Variants in ZER1 observed in about 807,000 individuals in gnomAD.
The protein encoded by ZER1 is zyg-11 related cell cycle regulator, also known as protein zer-1 homolog.
A neutral mutation model predicts 78.8 loss-of-function variants in ZER1; 11 were observed. The ratio of observed to expected loss-of-function variants is 0.14; its 90% CI spans 0.09 to 0.23. The LOEUF (loss-of-function observed/expected upper bound fraction) is 0.23, where lower values mean the gene tolerates loss of function less well. Among genes scored for constraint, ZER1 ranks in the 10% least tolerant of loss-of-function variants. The pLI is 1.00. For synonymous variants in ZER1, 400 were observed against 407.0 expected, an observed-to-expected ratio of 0.98 and a Z score of 0.21; for missense variants, 588 against 996.9, an observed-to-expected ratio of 0.59 and a Z score of 5.52.
intron 1 of ZER1, among the ~76,000 whole-genome samples, chr9:128,767,312 T>C (rs1285195926): frequency 6.6e-6 from 1 of 152,040 alleles, no homozygotes; most frequent in East Asian, 1.9e-4. Flanking sequence ...AGTGGTACGA[T>C]CTCAGCTCGC....
At chr9:128,744,285 G>C (rs1048549503) in intron 8 of ZER1, among the ~76,000 whole-genome samples, 1 of 151,468 alleles carries the variant, frequency 6.6e-6, no homozygotes, top group South Asian at 2.1e-4. Context: ...TCTGCCTCGC[G>C]GGTCCAAGCG....
intron 13 of ZER1, among the ~76,000 whole-genome samples, chr9:128,737,429 C>T (rs941114716): frequency 6.6e-6 from 1 of 152,164 alleles, no homozygotes; most frequent in Admixed American, 6.6e-5. Flanking sequence ...ACACTGGCAA[C>T]GCTACCAATG....
At position 128,753,830 on chromosome 9, in the gene ZER1, G is replaced by A. The variant is rs1171491940; in HGVS notation, c.288C>T (p.Asp96=). Residue 96 remains aspartate, a synonymous_variant, in exon 3 of 16, where the codon GAC becomes GAT. Transcript: ENST00000291900. This position sits in a 1 kb window ranked among gnomAD's most constrained non-coding sequence, Gnocchi z 7.5. ...TCACCTGCTTGCGGATGGCCTCCAG[G>A]TCCTGGTCCTGCACCAGGTCCTCAC... ...HLREDLVQDQ[D]LEAIRKQDLV... is the part of the protein sequence containing the mutation. 6.3e-7 allele frequency: 1 copy of A among 1,599,020 alleles called. No homozygotes were observed. Among genetic ancestry groups the A allele is most frequent in the East Asian group, 2.3e-5 (1 of 44,296 alleles).
At chr9:128,765,803 G>A (rs1864189604) in intron 1 of ZER1, among the ~76,000 whole-genome samples, 2 of 151,124 alleles carry the variant, frequency 1.3e-5, no homozygotes. Context: ...CCAGGTGGTC[G>A]GGAAACAGGT....
chr9:128,754,177 G>C lies in ZER1; in HGVS notation c.159-218C>G, dbSNP rs1414616751. ...GGCAGCTCTCTGGGAGACCTTCTAG[G>C]TGATGCAGGCGCCATCTCTCCCAGT... On this transcript the variant is annotated intron_variant, in intron 2 of 15. Coordinates refer to ENST00000291900, the MANE Select transcript of ZER1 (RefSeq NM_006336.4). The surrounding 1 kb of genome is among the most constrained non-coding windows in gnomAD (Gnocchi z 4.3). Among the ~76,000 whole-genome samples the C allele has an allele frequency of 6.6e-6, 1 of 152,178 alleles. No individual in the cohort carries two copies. Among genetic ancestry groups the C allele is most frequent in the Non-Finnish European group, 1.5e-5 (1 of 68,038 alleles).
In ZER1 at chr9:128,742,514, C is replaced by T. The variant is rs199888547; in HGVS notation, c.1575+16G>A. ...GTGAGGCTCAGGAGGAAGGGGGCAG[C>T]GCCCCCCACACGTACCACGACAAAG... On this transcript the variant is annotated intron_variant, in intron 9 of 15. Transcript: ENST00000291900. The T allele has an allele frequency of 2.2e-4, 350 of 1,610,242 alleles. 2 individuals carry two copies. The East Asian group carries it at 6.9e-3, about 32-fold the overall frequency.
rs1023077794 is a variant in ZER1, at chr9:128,753,057, G to A, written c.746+107C>T. ...GACTGTGTCTTCATCCCCACCCTCTGCCTAGCCAAGCGCTCCTGAACCCTG... is the reference window on the plus strand; with the variant it reads ...GACTGTGTCTTCATCCCCACCCTCTACCTAGCCAAGCGCTCCTGAACCCTG... On this transcript the variant is annotated intron_variant, in intron 4 of 15. Coordinates refer to ENST00000291900, the MANE Select transcript of ZER1 (RefSeq NM_006336.4). The surrounding 1 kb of genome is among the most constrained non-coding windows in gnomAD (Gnocchi z 7.5). 1.6e-6 allele frequency: 2 copies of A among 1,272,920 alleles called. No homozygotes were observed. The highest frequency in any genetic ancestry group is 2.1e-6 in the Non-Finnish European group (2 of 945,958). The allele number at this position is 1,272,920 out of a possible 1,614,324, so 78.9% of individuals were successfully genotyped here. A position where few individuals can be genotyped will look rare whatever the true frequency, so the allele number is the denominator to read the frequency against.
chr9:128,755,371 A>G lies in ZER1; in HGVS notation c.158+37T>C. The G allele has an allele frequency of 6.2e-7, 1 of 1,611,438 alleles. No individual in the cohort carries two copies. The highest frequency in any genetic ancestry group is 8.5e-7 in the Non-Finnish European group (1 of 1,177,882). On this transcript the variant is annotated intron_variant, in intron 2 of 15. Coordinates refer to ENST00000291900, the MANE Select transcript of ZER1 (RefSeq NM_006336.4). This position sits in a 1 kb window ranked among gnomAD's most constrained non-coding sequence, Gnocchi z 5.6. The stretch of plus-strand genomic sequence containing the variant: ...CAATCTCTCTATACACATTCATGGT[A>G]AGACCCCTGCCCCTCCTCAGCCCTG...
chr9:128,761,603 GTT>G (rs1180495331), intron 1 of ZER1, among the ~76,000 whole-genome samples: 10 of 107,354 alleles, frequency 9.3e-5, no homozygotes, highest in Non-Finnish European at 9.7e-5. Context: ...CCCATAATTT[GTT>G]TTTTTTTTTT....
At chr9:128,765,232 C>T (rs983053769) in intron 1 of ZER1, among the ~76,000 whole-genome samples, 1 of 152,150 alleles carries the variant, frequency 6.6e-6, no homozygotes, top group Non-Finnish European at 1.5e-5. Context: ...CACACACACA[C>T]ACACACACAC....
chr9:128,745,075 C>T (rs935840296), intron 8 of ZER1, among the ~76,000 whole-genome samples: 1 of 152,132 alleles, frequency 6.6e-6, no homozygotes, highest in Non-Finnish European at 1.5e-5. Flanking sequence ...TAACACTAGA[C>T]TGTTTTCCGC....
At chr9:128,770,097 C>T (rs1864336552) in intron 1 of ZER1, among the ~76,000 whole-genome samples, 1 of 152,078 alleles carries the variant, frequency 6.6e-6, no homozygotes, top group Non-Finnish European at 1.5e-5. Context: ...TTTCTTCAAC[C>T]TGCTCCAGTC....
chr9:128,745,459 G>T (rs537426770), intron 8 of ZER1, among the ~76,000 whole-genome samples: 13 of 151,658 alleles, frequency 8.6e-5, no homozygotes, highest in Non-Finnish European at 1.8e-4. Flanking sequence ...TCCAGTGCAA[G>T]CGATTCTCCC....
chr9:128,768,224 C>A lies in ZER1; in HGVS notation c.-95+3357G>T, dbSNP rs576935895. Among the ~76,000 whole-genome samples the A allele has an allele frequency of 1.1e-4, 17 of 152,292 alleles. No individual in the cohort carries two copies. The South Asian group carries it at 2.9e-3, about 26-fold the overall frequency. ...CAGACAGGGGTCTCTGCACTCACCTCTCAGGACTCCAGAACAGATGAGGTA... is the reference window on the plus strand; with the variant it reads ...CAGACAGGGGTCTCTGCACTCACCTATCAGGACTCCAGAACAGATGAGGTA... On this transcript the variant is annotated intron_variant, in intron 1 of 15. Transcript: ENST00000291900.
intron 1 of ZER1, among the ~76,000 whole-genome samples, chr9:128,768,952 C>T (rs1042518827): frequency 1.6e-4 from 24 of 148,360 alleles, no homozygotes; most frequent in Non-Finnish European, 2.8e-4. Flanking sequence ...CATTTTAATT[C>T]TTTTTTTTTT....
chr9:128,729,999 C>A lies in ZER1; in HGVS notation c.*1338G>T, dbSNP rs62583611. On this transcript the variant is annotated 3_prime_UTR_variant, in exon 16 of 16. Coordinates refer to ENST00000291900, the MANE Select transcript of ZER1 (RefSeq NM_006336.4). ...TTCCCAGGGCCGGGAGGGAGAGGCTCCAGGAGAAAAAGGCCAGGTGTCTCT... is the reference window on the plus strand; with the variant it reads ...TTCCCAGGGCCGGGAGGGAGAGGCTACAGGAGAAAAAGGCCAGGTGTCTCT... 8 of 152,492 alleles carry A rather than the reference C, an allele frequency of 5.2e-5. No homozygotes were observed. The highest frequency in any genetic ancestry group is 1.7e-4 in the African/African-American group (7 of 41,596). 9.4% of individuals were successfully genotyped at this position (152,492 alleles called of 1,614,324 possible). A position where few individuals can be genotyped will look rare whatever the true frequency, so the allele number is the denominator to read the frequency against.
At position 128,736,416 on chromosome 9, in the gene ZER1, C is replaced by T. The variant is rs534993367; in HGVS notation, c.2043-985G>A. ...TTCTTTGTTTTTTTTTTTTTTGAGA[C>T]GGAGTCTCACTCTGTCGCCCAGGCT... On this transcript the variant is annotated intron_variant, in intron 13 of 15. Coordinates refer to ENST00000291900, the MANE Select transcript of ZER1 (RefSeq NM_006336.4). Among the ~76,000 whole-genome samples the T allele has an allele frequency of 5.4e-4, 77 of 143,050 alleles. 1 individual carries two copies. In the South Asian group the frequency reaches 5.9e-3, roughly 11 times the overall value. The allele number at this position is 143,050 out of a possible 152,430, so 93.8% of individuals were successfully genotyped here.
chr9:128,749,981 T>C (rs927366068), intron 8 of ZER1, among the ~76,000 whole-genome samples: 1 of 152,172 alleles, frequency 6.6e-6, no homozygotes, highest in Non-Finnish European at 1.5e-5. Flanking sequence ...AGGTGGAAGT[T>C]GCAGTGACCC....
chr9:128,756,762 GTTTC>G (rs1394518440), intron 1 of ZER1, among the ~76,000 whole-genome samples: 1 of 152,186 alleles, frequency 6.6e-6, no homozygotes, highest in African/African-American at 2.4e-5. Context: ...TGTGTATGGA[GTTTC>G]TTTTTGGGGT....
Sources: allele counts gnomAD v4.1 joint callset (sites outside exome capture counted in the v4.1 genomes callset), GRCh38; gene constraint gnomAD v4.1.1; non-coding constraint Gnocchi (gnomAD v3.1); transcripts MANE v1.5; gene names NCBI Gene and HGNC (gene_info 2026-07-23, HGNC 2026-07-21).